The following AHI1 variants were observed in gnomAD, a reference collection of about 807,000 sequenced individuals.
AHI1 encodes the protein Abelson helper integration site 1.
In AHI1, 123 loss-of-function variants were observed where a neutral mutation model predicts 149.3. That is an observed-to-expected ratio of 0.82 (90% confidence interval 0.71 to 0.96). The LOEUF (loss-of-function observed/expected upper bound fraction) is 0.96. Among genes scored for constraint, AHI1 ranks in the 40% least tolerant of loss-of-function variants. The probability of loss-of-function intolerance (pLI) is 0.00; values close to 1 mark genes in which losing one functional copy is unlikely to be tolerated. For missense variants in AHI1, 1,439 were observed against 1,422.7 expected, an observed-to-expected ratio of 1.01 and a Z score of -0.18; for synonymous variants, 475 against 459.8, an observed-to-expected ratio of 1.03 and a Z score of -0.42.
At chr6:135,327,007 C>T (rs547707804) in intron 24 of AHI1, among the ~76,000 whole-genome samples, 4 of 152,218 alleles carry the variant, frequency 2.6e-5, no homozygotes, top group East Asian at 1.9e-4. Context: ...GTTTTTTGTT[C>T]GTGAGTTACT....
At chr6:135,297,908 T>C (rs1783341295) in intron 27 of AHI1, among the ~76,000 whole-genome samples, 1 of 152,054 alleles carries the variant, frequency 6.6e-6, no homozygotes, top group South Asian at 2.1e-4. Context: ...CCGCACCATA[T>C]TAAGAAGAGA....
At chr6:135,326,721 C>A (rs1331984803) in intron 24 of AHI1, among the ~76,000 whole-genome samples, 1 of 151,828 alleles carries the variant, frequency 6.6e-6, no homozygotes, top group Non-Finnish European at 1.5e-5. Context: ...CCACCATGCT[C>A]AGCCAATTTT....
At chr6:135,309,567 A>G (rs1050706480) in intron 26 of AHI1, among the ~76,000 whole-genome samples, 1 of 150,126 alleles carries the variant, frequency 6.7e-6, no homozygotes, top group Non-Finnish European at 1.5e-5. Flanking sequence ...ACTGCAACCT[A>G]TGCCTCCTGA....
chr6:135,436,974 A>C (rs1562768035), intron 15 of AHI1, among the ~76,000 whole-genome samples: 1 of 152,222 alleles, frequency 6.6e-6, no homozygotes, highest in Admixed American at 6.5e-5. Context: ...TAGTAGATGT[A>C]ATACAAATTT....
chr6:135,336,095 T>C (rs981116818), intron 24 of AHI1, among the ~76,000 whole-genome samples: 1 of 128,518 alleles, frequency 7.8e-6, no homozygotes, highest in Admixed American at 9.4e-5. Flanking sequence ...CCTGGATGAC[T>C]AGAGCGAAAC....
chr6:135,388,097 C>A (rs1348177373), intron 23 of AHI1: 4 of 1,550,604 alleles, frequency 2.6e-6, no homozygotes, highest in Non-Finnish European at 1.8e-6. Context: ...CTTTTTAGTA[C>A]CATAAAAGAC....
Position 135,302,908 on chromosome 6 carries a change from T to C in AHI1, c.3427-2350A>G. 3.6e-6 allele frequency: 3 copies of C among 828,586 alleles called. 1 individual carries two copies. Among genetic ancestry groups the C allele is most frequent in the Non-Finnish European group, 5.0e-6 (3 of 597,710 alleles). The allele number at this position is 828,586 out of a possible 1,614,324, so 51.3% of individuals were successfully genotyped here. A position where few individuals can be genotyped will look rare whatever the true frequency, so the allele number is the denominator to read the frequency against. ...ACGCCAAAGAACATGACTGCCCTTC[T>C]TTCCACACACACTTGTTAGAAAGTT... On this transcript the variant is annotated intron_variant, in intron 26 of 28. Coordinates refer to ENST00000265602, the MANE Select transcript of AHI1 (RefSeq NM_001134831.2).
chr6:135,411,244 T>C (rs1186586087), intron 21 of AHI1, 104 bp downstream of exon 21: 2 of 1,121,766 alleles, frequency 1.8e-6, no homozygotes, highest in East Asian at 2.5e-5. Flanking sequence ...GAAGGTCTAA[T>C]TTTAAGTAAT....
intron 23 of AHI1, among the ~76,000 whole-genome samples, chr6:135,385,377 C>T (rs1777438602): frequency 1.3e-5 from 2 of 152,016 alleles, no homozygotes; most frequent in Admixed American, 6.6e-5. Context: ...ATGAAGAGTG[C>T]CTAATGAGAT....
rs766929085 is a variant in AHI1, at chr6:135,430,011, T to TA, written c.2374-12dup. On this transcript the variant is annotated splice_polypyrimidine_tract_variant and intron_variant, in intron 17 of 28. Coordinates refer to ENST00000265602, the MANE Select transcript of AHI1 (RefSeq NM_001134831.2). ...AGTTTCTTTAATTTCCTAAAATGAT[T>TA]AAAAAAAATACTACTACTGAAAAGT... 2.4e-5 allele frequency: 34 copies of TA among 1,415,358 alleles called. No individual in the cohort carries two copies. The highest frequency in any genetic ancestry group is 8.7e-5 in the African/African-American group (6 of 69,298). 87.7% of individuals were successfully genotyped at this position (1,415,358 alleles called of 1,614,324 possible).
At chr6:135,391,776 G>A (rs140293809) in intron 23 of AHI1, among the ~76,000 whole-genome samples, 2 of 152,126 alleles carry the variant, frequency 1.3e-5, no homozygotes, top group Admixed American at 1.3e-4. Context: ...TTTATTCAGG[G>A]CTACTGCAGT....
At chr6:135,454,413 T>G (rs1263933079) in intron 10 of AHI1, among the ~76,000 whole-genome samples, 1 of 152,148 alleles carries the variant, frequency 6.6e-6, no homozygotes, top group African/African-American at 2.4e-5. Context: ...TAACAAAAAT[T>G]ATAACTTATT....
Position 135,463,017 on chromosome 6 carries a change from T to C in AHI1, c.931+108A>G, listed in dbSNP as rs1790164559. 5 of 791,254 alleles carry C rather than the reference T, an allele frequency of 6.3e-6. No homozygotes were observed. In the East Asian group the frequency reaches 1.1e-4, roughly 17 times the overall value. 49.0% of individuals were successfully genotyped at this position (791,254 alleles called of 1,614,324 possible). On this transcript the variant is annotated intron_variant, in intron 8 of 28. Transcript: ENST00000265602. ...TCAAGAACAAGTACCAAATATCCTA[T>C]ATTGAATTATTTTCAAGTATACCCA... is the stretch of plus-strand genomic sequence containing the variant.
intron 23 of AHI1, among the ~76,000 whole-genome samples, chr6:135,366,410 T>C (rs1206382896): frequency 6.6e-6 from 1 of 152,244 alleles, no homozygotes; most frequent in South Asian, 2.1e-4. Flanking sequence ...TGAATCCATC[T>C]AGTCCTGGAC....
At chr6:135,312,283 C>T (rs181806937) in intron 26 of AHI1, among the ~76,000 whole-genome samples, 261 of 152,198 alleles carry the variant, frequency 1.7e-3, no homozygotes, top group African/African-American at 5.9e-3. Flanking sequence ...GAGGCTGAGG[C>T]AGGCGGATCA....
chr6:135,332,699 C>T (rs1362733704), intron 24 of AHI1, among the ~76,000 whole-genome samples: 1 of 152,186 alleles, frequency 6.6e-6, no homozygotes, highest in Non-Finnish European at 1.5e-5. Flanking sequence ...ATGAAGCTCC[C>T]TCTGTTTTAA....
At chr6:135,492,984 TA>T (rs11423493) in intron 3 of AHI1, 4 of 826,958 alleles carry the variant, frequency 4.8e-6, no homozygotes, top group African/African-American at 1.8e-5. Flanking sequence ...TGAAGAGTGT[TA>T]AAAAAAAAGC....
intron 8 of AHI1, among the ~76,000 whole-genome samples, chr6:135,462,351 A>G (rs1790033409): frequency 1.3e-5 from 2 of 152,048 alleles, no homozygotes. Context: ...AGAAGACAGA[A>G]ATCAACAAGG....
At chr6:135,449,545 T>G (rs1787770908) in intron 11 of AHI1, among the ~76,000 whole-genome samples, 1 of 152,206 alleles carries the variant, frequency 6.6e-6, no homozygotes, top group Admixed American at 6.5e-5. Context: ...ATTAGAAGAA[T>G]AAGCACTGAG....
Sources: gnomAD v4.1 joint callset for allele counts (sites outside exome capture counted in the v4.1 genomes callset) on GRCh38, gnomAD v4.1.1 for gene constraint, MANE v1.5 for transcripts, NCBI Gene and HGNC (gene_info 2026-07-23, HGNC 2026-07-21) for gene names.